The following ENO1 variants were observed in gnomAD, a reference collection of about 807,000 sequenced individuals.
The protein encoded by ENO1 is enolase 1, also known as alpha-enolase.
In ENO1, 33 loss-of-function variants were observed where a neutral mutation model predicts 46.3. That is an observed-to-expected ratio of 0.71 (90% confidence interval 0.54 to 0.95). The LOEUF (loss-of-function observed/expected upper bound fraction) is 0.95. Ranked by LOEUF, ENO1 falls within the 40% of genes least tolerant of loss-of-function variation. The pLI is 0.00. For synonymous variants in ENO1, 220 were observed against 216.0 expected (o/e 1.02, Z -0.16); for missense variants, 488 against 553.3 (o/e 0.88, Z 1.18).
intron 4 of ENO1, 61 bp downstream of exon 4, chr1:8,870,391 C>T (rs774096595): frequency 4.3e-5 from 69 of 1,608,752 alleles, no homozygotes; most frequent in Non-Finnish European, 5.8e-5. Context: ...AGGAAAGCCC[C>T]TGGGCCTGGG....
At chr1:8,871,801 G>A (rs558445347) in intron 3 of ENO1, 90 bp downstream of exon 3, 2 of 1,425,696 alleles carry the variant, frequency 1.4e-6, no homozygotes, top group Non-Finnish European at 2.0e-6. Context: ...ACCTGCAAGT[G>A]CAAGTGCCAC....
In ENO1 at chr1:8,862,893, A is replaced by G; in HGVS notation, c.1229T>C (p.Leu410Pro). ...RSERLAKYNQLLRIEEELGSK... is the reference protein window; with the variant it reads ...RSERLAKYNQPLRIEEELGSK... ...TCTCAGGAGCCCTCCTTACCTGAGG[A>G]GCTGGTTGTACTTGGCCAAGCGCTC... Residue 410 changes from leucine to proline, a missense_variant, in exon 11 of 12, where the codon CTC (leucine) becomes CCC (proline). Coordinates refer to ENST00000234590, the MANE Select transcript of ENO1 (RefSeq NM_001428.5). The G allele has an allele frequency of 6.2e-7, 1 of 1,614,076 alleles. No individual in the cohort carries two copies. Among genetic ancestry groups the G allele is most frequent in the Non-Finnish European group, 8.5e-7 (1 of 1,179,962 alleles).
rs751387298 is a variant in ENO1, at chr1:8,863,354, AG to A, written c.1068-12del. 18 of 1,610,748 alleles carry A rather than the reference AG, an allele frequency of 1.1e-5. No individual in the cohort carries two copies. The highest frequency in any genetic ancestry group is 1.7e-4 in the Middle Eastern group (1 of 6,040). ...TGGGCCAGCTTGCACCTGGAAGCCA[AG>A]GAACAACCCAGATGGCATGATCCCA... On this transcript the variant is annotated splice_polypyrimidine_tract_variant and intron_variant, in intron 9 of 11. Transcript: ENST00000234590.
Position 8,863,357 on chromosome 1 carries a change from A to G in ENO1, c.1068-14T>C. 6 of 1,609,570 alleles carry G rather than the reference A, an allele frequency of 3.7e-6. No homozygotes were observed. The highest frequency in any genetic ancestry group is 5.1e-6 in the Non-Finnish European group (6 of 1,178,072). ...GCCAGCTTGCACCTGGAAGCCAAGG[A>G]ACAACCCAGATGGCATGATCCCATT... is the stretch of plus-strand genomic sequence containing the variant. On this transcript the variant is annotated splice_polypyrimidine_tract_variant and intron_variant, in intron 9 of 11. Transcript: ENST00000234590.
rs747799544 is a variant in ENO1 at position 8,867,176 on chromosome 1, G to A, written c.385C>T (p.Pro129Ser). ...CKAGAVEKGV[P>S]LYRHIADLAG... ...AAGTCAGCGATGTGGCGGTACAGGG[G>A]GACCCCCTTCTCAACGGCACCAGCT... The change falls in exon 6 of 12, where the codon CCC (proline) becomes TCC (serine). Residue 129 changes from proline (P) to serine (S), a missense_variant. Physicochemically the swap from Pro to Ser is moderately conservative, Grantham distance 74. Coordinates refer to ENST00000234590, the MANE Select transcript of ENO1 (RefSeq NM_001428.5). The A allele has an allele frequency of 6.2e-7, 1 of 1,614,044 alleles. No individual in the cohort carries two copies. The highest frequency in any genetic ancestry group is 8.5e-7 in the Non-Finnish European group (1 of 1,180,040).
chr1:8,871,258 C>T (rs1198372068), intron 3 of ENO1: 75 of 1,009,406 alleles, frequency 7.4e-5, no homozygotes, highest in Non-Finnish European at 8.6e-5. Flanking sequence ...TGGAGTTTTC[C>T]GGGTGCCCCA....
Position 8,862,877 on chromosome 1 carries a change from C to A in ENO1, c.1235+10G>T. 1 of 1,613,590 alleles carries A rather than the reference C, an allele frequency of 6.2e-7. No homozygotes were observed. The stretch of plus-strand genomic sequence containing the variant: ...ACCACAGGCCCCTTGTTCTCAGGAG[C>A]CCTCCTTACCTGAGGAGCTGGTTGT... On this transcript the variant is annotated intron_variant, in intron 11 of 11. Transcript: ENST00000234590.
Position 8,866,270 on chromosome 1 carries a change from C to A in ENO1, c.667+9G>T, listed in dbSNP as rs2781066. ...GCTGGGTGGGGGGGCGGTTCCCTAG[C>A]GCCTTTACCTTCTTTATTCTCCAGG... On this transcript the variant is annotated intron_variant, in intron 7 of 11. Transcript: ENST00000234590. The A allele has an allele frequency of 6.2e-7, 1 of 1,613,192 alleles. No homozygotes were observed. Among genetic ancestry groups the A allele is most frequent in the East Asian group, 2.2e-5 (1 of 44,872 alleles).
At chr1:8,878,363 G>A (rs1186104022) in intron 1 of ENO1, 1 of 306,872 alleles carries the variant, frequency 3.3e-6, no homozygotes, top group Non-Finnish European at 6.3e-6. Flanking sequence ...CAAAGAAATC[G>A]GGGGCCCAGC....
At chr1:8,868,467 G>A (rs1024452838) in intron 4 of ENO1, among the ~76,000 whole-genome samples, 1 of 152,158 alleles carries the variant, frequency 6.6e-6, no homozygotes, top group African/African-American at 2.4e-5. Flanking sequence ...CTGAGCCCTT[G>A]AAAGGCAGGC....
intron 3 of ENO1, chr1:8,870,744 G>C (rs973105326): frequency 2.1e-6 from 3 of 1,426,612 alleles, no homozygotes; most frequent in East Asian, 2.5e-5. Context: ...AGCTGGCTCA[G>C]AACGATCTGA....
intron 4 of ENO1, chr1:8,870,082 A>C (rs887557890): frequency 4.6e-6 from 1 of 218,906 alleles, no homozygotes; most frequent in African/African-American, 2.2e-5. Flanking sequence ...AAGTCAGTAG[A>C]ATTATAGTAA....
rs1054547298 is a variant in ENO1 at position 8,863,328 on chromosome 1, C to T, written c.1083G>A (p.Gln361=). The change falls in exon 10 of 12, where the codon CAG becomes CAA. Residue 361 remains glutamine, a synonymous_variant. Coordinates refer to ENST00000234590, the MANE Select transcript of ENO1 (RefSeq NM_001428.5). The part of the protein sequence containing the change: ...TESLQACKLA[Q]ANGWGVMVSH... ...ACACCATGACGCCCCAACCATTGGC[C>T]TGGGCCAGCTTGCACCTGGAAGCCA... The T allele has an allele frequency of 1.9e-6, 3 of 1,613,048 alleles. No individual in the cohort carries two copies. The highest frequency in any genetic ancestry group is 2.5e-6 in the Non-Finnish European group (3 of 1,179,610).
At position 8,866,346 on chromosome 1, in the gene ENO1, A is replaced by G. The variant is rs755861378; in HGVS notation, c.600T>C (p.Tyr200=). ...CCCCCACATTGGTGGCATCTTTCCC[A>G]TATTTCTCCTTGATGACATTCTTCA... The part of the protein sequence containing the change: ...HNLKNVIKEK[Y]GKDATNVGDE... Residue 200 remains tyrosine, a synonymous_variant, in exon 7 of 12, where the codon TAT becomes TAC. Transcript: ENST00000234590. The G allele has an allele frequency of 8.7e-6, 14 of 1,613,930 alleles. No individual in the cohort carries two copies. Among genetic ancestry groups the G allele is most frequent in the African/African-American group, 1.3e-5 (1 of 74,884 alleles).
At chr1:8,868,115 C>T in intron 4 of ENO1, 58 bp from the exon 5 acceptor site, 1 of 1,251,016 alleles carries the variant, frequency 8.0e-7, no homozygotes, top group Admixed American at 1.9e-5. Context: ...ATAGCCTTTG[C>T]TCCCCTACCA....
intron 3 of ENO1, chr1:8,871,293 T>G: frequency 1.0e-6 from 1 of 997,106 alleles, no homozygotes; most frequent in Non-Finnish European, 1.2e-6. Context: ...TCTAGCCCTA[T>G]GTGCTTTTCT....
chr1:8,874,577 CA>C (rs140269736), intron 2 of ENO1, among the ~76,000 whole-genome samples: 802 of 51,486 alleles, frequency 0.016, 2 homozygotes, highest in South Asian at 0.045. Flanking sequence ...GACTCCATCT[CA>C]AAAAAAAAAA....
Position 8,866,434 on chromosome 1 carries a change from AG to A in ENO1, c.511del (p.Leu171SerfsTer22). 6.2e-7 allele frequency: 1 copy of A among 1,614,210 alleles called. No homozygotes were observed. Among genetic ancestry groups the A allele is most frequent in the Non-Finnish European group, 8.5e-7 (1 of 1,180,046 alleles). On this transcript the variant is annotated frameshift_variant, in exon 7 of 12. Transcript: ENST00000234590. LOFTEE classifies it high-confidence loss of function. Reference sequence around the variant, plus strand: ...CCTGAAGTTTGCTGCACCGACTGGGAGGATCATGAACTCCTGCATGGCCAGC... The same window carrying A: ...CCTGAAGTTTGCTGCACCGACTGGGAGATCATGAACTCCTGCATGGCCAGC... ...NKLAMQEFMI[L>X]PVGAANFREA...
At chr1:8,875,617 A>C (rs1191667932) in intron 1 of ENO1, among the ~76,000 whole-genome samples, 1 of 152,198 alleles carries the variant, frequency 6.6e-6, no homozygotes, top group Non-Finnish European at 1.5e-5. Context: ...ATTAATATTC[A>C]CTTAGTAGGT....
Sources: allele counts gnomAD v4.1 joint callset (sites outside exome capture counted in the v4.1 genomes callset), GRCh38; gene constraint gnomAD v4.1.1; transcripts MANE v1.5; gene names NCBI Gene and HGNC (gene_info 2026-07-23, HGNC 2026-07-21).